The following EIF3H variants were observed in gnomAD, a reference collection of about 807,000 sequenced individuals.
EIF3H encodes the protein eIF-3-gamma.
In EIF3H, 26 loss-of-function variants were observed where a neutral mutation model predicts 44.2. That is an observed-to-expected ratio of 0.59 (90% CI 0.43 to 0.82). The LOEUF (loss-of-function observed/expected upper bound fraction) is 0.82, where lower values mean the gene tolerates loss of function less well. Ranked by LOEUF, EIF3H falls within the 40% of genes least tolerant of loss-of-function variation. The pLI, the probability that EIF3H is intolerant of heterozygous loss-of-function variation, is 0.00. For synonymous variants in EIF3H, 166 were observed against 151.9 expected, an observed-to-expected ratio of 1.09 and a Z score of -0.68; for missense variants, 359 against 432.8, an observed-to-expected ratio of 0.83 and a Z score of 1.51.
chr8:116,736,673 A>G (rs973028716), intron 1 of EIF3H, among the ~76,000 whole-genome samples: 2 of 152,138 alleles, frequency 1.3e-5, no homozygotes, highest in Non-Finnish European at 2.9e-5. Context: ...CAAAAAAAAA[A>G]GGTGGAATTT....
chr8:116,765,314 G>A (rs2131017429), intron 1 of EIF3H, among the ~76,000 whole-genome samples: 1 of 152,210 alleles, frequency 6.6e-6, no homozygotes, highest in Middle Eastern at 3.4e-3. Flanking sequence ...TCAGATCAGG[G>A]CTAACATTAT....
chr8:116,738,987 G>A (rs900000565), intron 1 of EIF3H, among the ~76,000 whole-genome samples: 3 of 151,958 alleles, frequency 2.0e-5, no homozygotes, highest in Non-Finnish European at 2.9e-5. Context: ...CCCAAAATCC[G>A]GCCATAAAGT....
chr8:116,680,964 T>A (rs918711684), intron 2 of EIF3H, among the ~76,000 whole-genome samples: 7 of 134,212 alleles, frequency 5.2e-5, no homozygotes, highest in Non-Finnish European at 9.2e-5. Flanking sequence ...AGATGTGGAA[T>A]TTATAAATTA....
At chr8:116,744,879 T>C (rs1407054885) in intron 1 of EIF3H, among the ~76,000 whole-genome samples, 2 of 152,314 alleles carry the variant, frequency 1.3e-5, no homozygotes, top group East Asian at 3.9e-4. Flanking sequence ...AAATAAGAAC[T>C]TGCAAAGATT....
intron 2 of EIF3H, among the ~76,000 whole-genome samples, chr8:116,677,706 TATA>T (rs955587442): frequency 5.3e-5 from 8 of 152,336 alleles, no homozygotes; most frequent in Non-Finnish European, 1.0e-4. Flanking sequence ...AACTTGCCCA[TATA>T]ATAATAAGTG....
At chr8:116,741,942 G>A (rs985636404) in intron 1 of EIF3H, among the ~76,000 whole-genome samples, 2 of 152,176 alleles carry the variant, frequency 1.3e-5, no homozygotes, top group African/African-American at 4.8e-5. Flanking sequence ...AAAGCAGAAA[G>A]CTGCATTAGT....
At chr8:116,660,337 T>C (rs1450319232) in intron 2 of EIF3H, among the ~76,000 whole-genome samples, 2 of 152,224 alleles carry the variant, frequency 1.3e-5, no homozygotes, top group East Asian at 1.9e-4. Flanking sequence ...TATACCACTA[T>C]GGTTTTACAA....
At chr8:116,646,651 AG>A in intron 6 of EIF3H, 48 bp from the exon 7 acceptor site, 1 of 1,602,082 alleles carries the variant, frequency 6.2e-7, no homozygotes, top group Non-Finnish European at 8.5e-7. Flanking sequence ...CCATCTGAGG[AG>A]GAAAAAAAGA....
At chr8:116,718,970 T>A (rs1273521758) in intron 2 of EIF3H, among the ~76,000 whole-genome samples, 1 of 151,972 alleles carries the variant, frequency 6.6e-6, no homozygotes, top group Non-Finnish European at 1.5e-5. Context: ...ATGCTAATTG[T>A]GATAAAAACA....
At chr8:116,709,764 A>G (rs990708406) in intron 2 of EIF3H, among the ~76,000 whole-genome samples, 1 of 152,246 alleles carries the variant, frequency 6.6e-6, no homozygotes, top group Non-Finnish European at 1.5e-5. Context: ...TGCTAGGATT[A>G]TTAAATCTAC....
chr8:116,730,621 T>C (rs116675672), intron 1 of EIF3H, among the ~76,000 whole-genome samples: 72 of 152,326 alleles, frequency 4.7e-4, no homozygotes, highest in African/African-American at 1.7e-3. Context: ...CATGTATATA[T>C]ATTTCAAAGT....
In EIF3H at chr8:116,723,457, G is replaced by C. The variant is rs573885001; in HGVS notation, c.289+2559C>G. ...AAAAAAAAGATGCACACTGCATAAG[G>C]GTTTAAAAAAATCCAAGTATGCTAG... On this transcript the variant is annotated intron_variant, in intron 2 of 7. Transcript: ENST00000521861. Among the ~76,000 whole-genome samples the C allele has an allele frequency of 1.2e-4, 18 of 152,194 alleles. 1 individual carries two copies. Among genetic ancestry groups the C allele is most frequent in the African/African-American group, 4.1e-4 (17 of 41,532 alleles).
At chr8:116,710,162 A>G (rs1464708107) in intron 2 of EIF3H, among the ~76,000 whole-genome samples, 1 of 152,202 alleles carries the variant, frequency 6.6e-6, no homozygotes, top group Non-Finnish European at 1.5e-5. Flanking sequence ...CTGTGTACTC[A>G]GTAAAGAAGG....
rs1586448546 is a variant in EIF3H at position 116,677,158 on chromosome 8, G to A, written c.290-18178C>T. Reference sequence around the variant, plus strand: ...GACGGTCTCTATATTTAGAAGGGGTGAACTGAAATTATATAGCTAATTTTA... The same window carrying A: ...GACGGTCTCTATATTTAGAAGGGGTAAACTGAAATTATATAGCTAATTTTA... On this transcript the variant is annotated intron_variant, in intron 2 of 7. Coordinates refer to ENST00000521861, the MANE Select transcript of EIF3H (RefSeq NM_003756.3). Among the ~76,000 whole-genome samples, 3 of 152,208 alleles carry A rather than the reference G, an allele frequency of 2.0e-5. No homozygotes were observed. In the South Asian group the frequency reaches 6.2e-4, roughly 32 times the overall value.
intron 7 of EIF3H, 150 bp from the exon 8 acceptor site, chr8:116,645,253 T>C: frequency 1.7e-5 from 11 of 638,300 alleles, no homozygotes; most frequent in Non-Finnish European, 3.0e-5. Flanking sequence ...GGATAAGAAA[T>C]ACAAGTTCTT....
At chr8:116,689,320 G>A (rs900057815) in intron 2 of EIF3H, among the ~76,000 whole-genome samples, 15 of 152,120 alleles carry the variant, frequency 9.9e-5, no homozygotes, top group African/African-American at 3.4e-4. Context: ...AAATACTCTA[G>A]AATTGACGCT....
At chr8:116,752,675 A>AGAAG (rs1815362179) in intron 1 of EIF3H, among the ~76,000 whole-genome samples, 2 of 64,516 alleles carry the variant, frequency 3.1e-5, no homozygotes, top group Non-Finnish European at 7.0e-5. Flanking sequence ...GAAGAAAGAA[A>AGAAG]GAAAGAAAGA....
rs1026007110 is a variant in EIF3H, at chr8:116,646,748, G to A, written c.829-145C>T. 1.8e-4 allele frequency: 208 copies of A among 1,139,464 alleles called. 1 individual carries two copies. The highest frequency in any genetic ancestry group is 2.4e-4 in the Non-Finnish European group (192 of 810,462). 70.6% of individuals were successfully genotyped at this position (1,139,464 alleles called of 1,614,324 possible). A position where few individuals can be genotyped will look rare whatever the true frequency, so the allele number is the denominator to read the frequency against. The stretch of plus-strand genomic sequence containing the variant: ...TCATTGGCAACATTTGGTAACTTGC[G>A]TCTAAGAAGCTAAATACGCCAATAG... On this transcript the variant is annotated intron_variant, in intron 6 of 7. Coordinates refer to ENST00000521861, the MANE Select transcript of EIF3H (RefSeq NM_003756.3).
At chr8:116,702,919 G>T (rs368550177) in intron 2 of EIF3H, among the ~76,000 whole-genome samples, 2 of 152,152 alleles carry the variant, frequency 1.3e-5, no homozygotes, top group African/African-American at 4.8e-5. Flanking sequence ...GAATAAAACT[G>T]TTCCACCTCA....
Sources: gnomAD v4.1 joint callset for allele counts (sites outside exome capture counted in the v4.1 genomes callset) on GRCh38, gnomAD v4.1.1 for gene constraint, MANE v1.5 for transcripts, NCBI Gene and HGNC (gene_info 2026-07-23, HGNC 2026-07-21) for gene names.